The following TDRD10 variants were observed in gnomAD, a reference collection of about 807,000 sequenced individuals.
TDRD10 encodes tudor domain containing 10.
TDRD10 carries 40 observed loss-of-function variants against 48.0 expected under a neutral mutation model. The observed-to-expected ratio is 0.83, with a 90% CI of 0.65 to 1.09. The LOEUF (loss-of-function observed/expected upper bound fraction) is 1.09. TDRD10 is among the 50% of genes least tolerant of loss of function. TDRD10 has a pLI of 0.00. For missense variants in TDRD10, 378 were observed against 434.7 expected, an observed-to-expected ratio of 0.87 and a Z score of 1.16; for synonymous variants, 162 against 170.4, an observed-to-expected ratio of 0.95 and a Z score of 0.38.
chr1:154,548,036 C>T lies in TDRD10; in HGVS notation c.*326C>T. 2.5e-6 allele frequency: 1 copy of T among 398,010 alleles called. No individual in the cohort carries two copies. The highest frequency in any genetic ancestry group is 4.5e-6 in the Non-Finnish European group (1 of 220,600). 24.7% of individuals were successfully genotyped at this position (398,010 alleles called of 1,614,324 possible). A position where few individuals can be genotyped will look rare whatever the true frequency, so the allele number is the denominator to read the frequency against. On this transcript the variant is annotated 3_prime_UTR_variant, in exon 13 of 13. Coordinates refer to ENST00000368482, the MANE Select transcript of TDRD10 (RefSeq NM_182499.4). Reference sequence around the variant, plus strand: ...ACCCCAGAGCATGATATAAGTGGTCCTAACAGATTCTGGATAATGGAGAAG... The same window carrying T: ...ACCCCAGAGCATGATATAAGTGGTCTTAACAGATTCTGGATAATGGAGAAG...
intron 12 of TDRD10, 95 bp from the exon 13 acceptor site, chr1:154,547,583 T>C (rs1427865062): frequency 3.7e-6 from 6 of 1,614,130 alleles, no homozygotes; most frequent in Non-Finnish European, 5.1e-6. Context: ...TTACCTGGCA[T>C]TCTTTTAGAT....
rs1056639889 is a variant in TDRD10 at position 154,544,893 on chromosome 1, A to G, written c.896A>G (p.Asp299Gly). 1.2e-6 allele frequency: 2 copies of G among 1,614,182 alleles called. No individual in the cohort carries two copies. Among genetic ancestry groups the G allele is most frequent in the Non-Finnish European group, 1.7e-6 (2 of 1,180,022 alleles). Reference protein sequence around the residue: ...TIPVQSLRSLDSDDFWTIPPL... With the variant: ...TIPVQSLRSLGSDDFWTIPPL... ...CCTGTGCAGTCTCTGCGCAGCCTAGACAGCGACGACTTCTGGACCATCCCA... is the reference window on the plus strand; with the variant it reads ...CCTGTGCAGTCTCTGCGCAGCCTAGGCAGCGACGACTTCTGGACCATCCCA... The change falls in exon 11 of 13, where the codon GAC (aspartate) becomes GGC (glycine). Residue 299 changes from aspartate (D) to glycine (G), a missense_variant. Physicochemically the swap from Asp to Gly is moderately conservative, Grantham distance 94. Coordinates refer to ENST00000368482, the MANE Select transcript of TDRD10 (RefSeq NM_182499.4).
intron 4 of TDRD10, among the ~76,000 whole-genome samples, chr1:154,511,597 C>T (rs189748874): frequency 8.2e-4 from 124 of 152,098 alleles, no homozygotes; most frequent in South Asian, 2.7e-3. Flanking sequence ...CACCTGTAAT[C>T]CCAGCACTTT....
intron 6 of TDRD10, among the ~76,000 whole-genome samples, chr1:154,522,271 A>G (rs1694099274): frequency 1.3e-5 from 2 of 152,196 alleles, no homozygotes; most frequent in African/African-American, 4.8e-5. Context: ...TGCATTTTCC[A>G]GAAGCCCTGA....
At chr1:154,544,169 G>A in intron 9 of TDRD10, 59 bp downstream of exon 9, 2 of 1,610,932 alleles carry the variant, frequency 1.2e-6, no homozygotes, top group South Asian at 1.1e-5. Flanking sequence ...GCCTCCCTAG[G>A]GTGGGCATGG....
intron 6 of TDRD10, among the ~76,000 whole-genome samples, chr1:154,529,984 C>T (rs553922787): frequency 6.6e-6 from 1 of 152,210 alleles, no homozygotes; most frequent in East Asian, 1.9e-4. Flanking sequence ...CTTAATTTCC[C>T]CTTCATTCCT....
At position 154,505,582 on chromosome 1, in the gene TDRD10, T is replaced by C. The variant is rs185712400; in HGVS notation, c.-27-1295T>C. The stretch of plus-strand genomic sequence containing the variant: ...AAAGAGTTACTGTTTTATTTTAAAA[T>C]TTAATGTTTTAATTTATGTTTTCCC... On this transcript the variant is annotated intron_variant, in intron 1 of 12. Transcript: ENST00000368482. Among the ~76,000 whole-genome samples the C allele has an allele frequency of 2.6e-5, 4 of 152,312 alleles. 1 individual carries two copies. The highest frequency in any genetic ancestry group is 9.6e-5 in the African/African-American group (4 of 41,566).
rs7524349 is a variant in TDRD10, at chr1:154,507,458, A to G, written c.82+138A>G. 14,662 of 1,036,238 alleles carry G rather than the reference A, an allele frequency of 0.014. 1,467 individuals are homozygous for G. The African/African-American group carries it at 0.21, about 15-fold the overall frequency. The allele number at this position is 1,036,238 out of a possible 1,614,324, so 64.2% of individuals were successfully genotyped here. A position where few individuals can be genotyped will look rare whatever the true frequency, so the allele number is the denominator to read the frequency against. ...CCTAGATTCTGCTCTTCCTCCAGTC[A>G]GCCACCATGTTTCCTGTCTCATAGT... On this transcript the variant is annotated intron_variant, in intron 3 of 12. Transcript: ENST00000368482.
chr1:154,539,577 T>C (rs1171874042), intron 6 of TDRD10, among the ~76,000 whole-genome samples: 1 of 152,228 alleles, frequency 6.6e-6, no homozygotes, highest in Non-Finnish European at 1.5e-5. Flanking sequence ...CCTCCCAAAG[T>C]GCTGGGATTA....
Position 154,520,502 on chromosome 1 carries a change from A to G in TDRD10, c.212+128A>G, listed in dbSNP as rs1694000780. ...GTCCACACCCACTCTGACTTGGCAA[A>G]GGAACATTTGGGAAACCCCCTTTCC... On this transcript the variant is annotated intron_variant, in intron 5 of 12. Transcript: ENST00000368482. The G allele has an allele frequency of 8.4e-6, 6 of 710,216 alleles. No homozygotes were observed. The Admixed American group carries it at 1.4e-4, about 16-fold the overall frequency. The allele number at this position is 710,216 out of a possible 1,614,324, so 44.0% of individuals were successfully genotyped here. A position where few individuals can be genotyped will look rare whatever the true frequency, so the allele number is the denominator to read the frequency against.
In TDRD10 at chr1:154,543,944, C is replaced by T; in HGVS notation, c.504-19C>T. The T allele has an allele frequency of 1.2e-6, 2 of 1,612,022 alleles. No individual in the cohort carries two copies. Among genetic ancestry groups the T allele is most frequent in the Non-Finnish European group, 1.7e-6 (2 of 1,179,088 alleles). On this transcript the variant is annotated intron_variant, in intron 8 of 12. Transcript: ENST00000368482. The stretch of plus-strand genomic sequence containing the variant: ...TGGTCCAGTCGTTCCTTTCCTTGCT[C>T]CCCTTGCTCTTCCCGCAGAGGGTCC...
intron 11 of TDRD10, among the ~76,000 whole-genome samples, chr1:154,545,900 AC>A (rs201376921): frequency 0.014 from 1,950 of 138,374 alleles, 40 homozygotes; most frequent in African/African-American, 0.051. Flanking sequence ...CCTCCCAATT[AC>A]AGGCACGCAC....
In TDRD10 at chr1:154,544,368, A is replaced by G. The variant is rs1459561453; in HGVS notation, c.652-4A>G. On this transcript the variant is annotated splice_region_variant and splice_polypyrimidine_tract_variant and intron_variant, in intron 9 of 12. Coordinates refer to ENST00000368482, the MANE Select transcript of TDRD10 (RefSeq NM_182499.4). ...GTGGGGCCGTTGCGTTTTGCACCCC[A>G]CAGGCTCTGCACCAGAACATGCAGG... 1.3e-6 allele frequency: 2 copies of G among 1,578,552 alleles called. No individual in the cohort carries two copies. Among genetic ancestry groups the G allele is most frequent in the Non-Finnish European group, 1.7e-6 (2 of 1,162,004 alleles).
chr1:154,536,893 C>T (rs535380245), intron 6 of TDRD10, among the ~76,000 whole-genome samples: 119 of 152,206 alleles, frequency 7.8e-4, no homozygotes, highest in African/African-American at 2.4e-3. Context: ...ACCATTTATT[C>T]GTCCTTGCAC....
At chr1:154,542,114 C>A in intron 7 of TDRD10, 48 bp downstream of exon 7, 2 of 1,601,732 alleles carry the variant, frequency 1.2e-6, no homozygotes, top group South Asian at 2.2e-5. Context: ...CTTTGCAGCT[C>A]CTAATGGACC....
intron 6 of TDRD10, among the ~76,000 whole-genome samples, chr1:154,532,152 C>T (rs746566012): frequency 2.0e-4 from 31 of 152,148 alleles, no homozygotes; most frequent in Non-Finnish European, 2.5e-4. Flanking sequence ...CGTTGCTCAT[C>T]GGGGAGGCTC....
At position 154,544,683 on chromosome 1, in the gene TDRD10, A is replaced by C. The variant is rs1695452182; in HGVS notation, c.798-112A>C. The C allele has an allele frequency of 5.3e-6, 8 of 1,496,930 alleles. No homozygotes were observed. In the South Asian group the frequency reaches 1.1e-4, roughly 20 times the overall value. 92.7% of individuals were successfully genotyped at this position (1,496,930 alleles called of 1,614,324 possible). A position where few individuals can be genotyped will look rare whatever the true frequency, so the allele number is the denominator to read the frequency against. On this transcript the variant is annotated intron_variant, in intron 10 of 12. Transcript: ENST00000368482. Reference sequence around the variant, plus strand: ...TCAAGGATTGGGGAGAAACAGAGCAAACTCGCTCTTCCTCCCTCCTACCTC... The same window carrying C: ...TCAAGGATTGGGGAGAAACAGAGCACACTCGCTCTTCCTCCCTCCTACCTC...
intron 11 of TDRD10, among the ~76,000 whole-genome samples, chr1:154,545,333 G>A (rs747161627): frequency 6.6e-6 from 1 of 152,154 alleles, no homozygotes; most frequent in Non-Finnish European, 1.5e-5. Flanking sequence ...ACTAGCACTC[G>A]AATGCCAGTG....
intron 6 of TDRD10, among the ~76,000 whole-genome samples, chr1:154,527,203 G>A (rs1173971838): frequency 6.6e-6 from 1 of 152,302 alleles, no homozygotes; most frequent in Non-Finnish European, 1.5e-5. Context: ...GAGCCACTGC[G>A]CCTGGCCCTG....
Sources: allele counts gnomAD v4.1 joint callset (sites outside exome capture counted in the v4.1 genomes callset), GRCh38; gene constraint gnomAD v4.1.1; transcripts MANE v1.5; gene names NCBI Gene and HGNC (gene_info 2026-07-23, HGNC 2026-07-21).